Variants in LRRC37A3 observed in about 807,000 individuals in gnomAD.
The protein encoded by LRRC37A3 is leucine-rich repeat-containing protein 37A3.
A neutral mutation model predicts 106.2 loss-of-function variants in LRRC37A3; 25 were observed. The ratio of observed to expected loss-of-function variants is 0.24; its 90% CI spans 0.17 to 0.33. The LOEUF (loss-of-function observed/expected upper bound fraction) is 0.33, where lower values mean the gene tolerates loss of function less well. LRRC37A3 is among the 10% of genes least tolerant of loss of function. LRRC37A3 has a pLI of 1.00. For missense variants in LRRC37A3, 712 were observed against 1,644.9 expected, an observed-to-expected ratio of 0.43 and a Z score of 9.81; for synonymous variants, 305 against 635.8, an observed-to-expected ratio of 0.48 and a Z score of 7.83.
Position 64,893,680 on chromosome 17 carries a change from T to G in LRRC37A3, c.2609+969A>C, listed in dbSNP as rs1277336366. On this transcript the variant is annotated intron_variant, in intron 4 of 14. Transcript: ENST00000584306. ...TTTTTTTTTTTTTGAGATGGAGTCT[T>G]GCTCTGTCGCCCAGGCTGGAGTGCA... Among the ~76,000 whole-genome samples, 8 of 139,938 alleles carry G rather than the reference T, an allele frequency of 5.7e-5. No individual in the cohort carries two copies. The South Asian group carries it at 1.6e-3, about 27-fold the overall frequency. The allele number at this position is 139,938 out of a possible 152,430, so 91.8% of individuals were successfully genotyped here.
At chr17:64,890,917 T>C (rs1275348499) in intron 5 of LRRC37A3, among the ~76,000 whole-genome samples, 4 of 46,862 alleles carry the variant, frequency 8.5e-5, no homozygotes, top group African/African-American at 5.7e-4. Flanking sequence ...GGCTACTTTT[T>C]GTATTTTTAG....
intron 10 of LRRC37A3, among the ~76,000 whole-genome samples, chr17:64,865,606 G>A (rs980697081): frequency 2.6e-5 from 4 of 152,134 alleles, no homozygotes; most frequent in African/African-American, 9.7e-5. Context: ...TTCCGTGTGT[G>A]TATGTCTATA....
chr17:64,896,957 C>G lies in LRRC37A3; in HGVS notation c.301G>C (p.Glu101Gln), dbSNP rs1197992224. Residue 101 changes from glutamate (E) to glutamine (Q), a missense_variant, in exon 4 of 15, where the codon GAA (glutamate) becomes CAA (glutamine). Physicochemically the swap from Glu to Gln is conservative, Grantham distance 29 (BLOSUM62 2). Coordinates refer to ENST00000584306, the MANE Select transcript of LRRC37A3 (RefSeq NM_199340.5). The part of the protein sequence containing the change: ...ASSEMPAPPQ[E>Q]STENLVPFLD... ...AATGGAACCAAATTTTCAGTCGATT[C>G]CTGGGGTGGGGCTGGCATCTCTGAG... is the stretch of plus-strand genomic sequence containing the variant. 6.3e-7 allele frequency: 1 copy of G among 1,595,468 alleles called. No homozygotes were observed. The highest frequency in any genetic ancestry group is 8.5e-7 in the Non-Finnish European group (1 of 1,174,920).
In LRRC37A3 at chr17:64,860,400, T is replaced by C; in HGVS notation, c.3746A>G (p.Lys1249Arg). The change falls in exon 12 of 15, where the codon AAA becomes AGA. Residue 1249 changes from lysine to arginine, a missense_variant. Physicochemically the swap from Lys to Arg is conservative, Grantham distance 26. Transcript: ENST00000584306. ...QEHKAAVSVLKPFSKGAPSTS... is the reference protein window; with the variant it reads ...QEHKAAVSVLRPFSKGAPSTS... ...AGAAGGCGCGCCCTTGGAGAAGGGT[T>C]TCAGCACAGAGACTGCTGCCTTATG... 1 of 1,613,906 alleles carries C rather than the reference T, an allele frequency of 6.2e-7. No homozygotes were observed. The highest frequency in any genetic ancestry group is 1.1e-5 in the South Asian group (1 of 91,070).
chr17:64,855,149 A>G (rs1189665674), intron 14 of LRRC37A3, among the ~76,000 whole-genome samples: 1 of 152,156 alleles, frequency 6.6e-6, no homozygotes. Context: ...TGAGGTTTGC[A>G]TAAAAGGAAT....
chr17:64,904,316 G>GA (rs1417751460), intron 2 of LRRC37A3, among the ~76,000 whole-genome samples: 1 of 152,386 alleles, frequency 6.6e-6, no homozygotes, highest in Non-Finnish European at 1.5e-5. Flanking sequence ...CCCATCTCCA[G>GA]AAAAAATAAT....
At position 64,855,878 on chromosome 17, in the gene LRRC37A3, G is replaced by A. The variant is rs762213702; in HGVS notation, c.4821C>T (p.His1607=). 1 of 1,611,800 alleles carries A rather than the reference G, an allele frequency of 6.2e-7. No individual in the cohort carries two copies. The highest frequency in any genetic ancestry group is 2.2e-5 in the East Asian group (1 of 44,872). ...CTTCATCTTCTTGTAATGACCTTCG[G>A]TGACAACAGATCTGTTTTAGAAGAA... The part of the protein sequence containing the change: ...ILLCLIEICC[H]RRSLQEDEEG... Residue 1607 remains histidine (H), a synonymous_variant, in exon 14 of 15, where the codon CAC becomes CAT. Coordinates refer to ENST00000584306, the MANE Select transcript of LRRC37A3 (RefSeq NM_199340.5).
intron 8 of LRRC37A3, chr17:64,876,918 A>C (rs1221513345): frequency 6.6e-6 from 1 of 152,146 alleles, no homozygotes; most frequent in Non-Finnish European, 1.5e-5. Flanking sequence ...AAGACATCAC[A>C]CACAAAAAAT....
intron 2 of LRRC37A3, among the ~76,000 whole-genome samples, chr17:64,917,465 G>T (rs1243504844): frequency 6.6e-6 from 1 of 151,842 alleles, no homozygotes; most frequent in African/African-American, 2.4e-5. Flanking sequence ...AAAACATTAT[G>T]GAAATGTTTA....
At chr17:64,871,676 A>G (rs2143453483) in intron 8 of LRRC37A3, 1 of 152,140 alleles carries the variant, frequency 6.6e-6, no homozygotes, top group African/African-American at 2.4e-5. Context: ...TGCTGAACTT[A>G]GTGCGGACAC....
intron 11 of LRRC37A3, among the ~76,000 whole-genome samples, chr17:64,862,161 C>T (rs1237287342): frequency 1.3e-5 from 2 of 151,456 alleles, no homozygotes; most frequent in African/African-American, 4.9e-5. Flanking sequence ...TGTAACCAAG[C>T]ATTATTAATT....
At chr17:64,917,928 A>C (rs1394760536) in intron 2 of LRRC37A3, among the ~76,000 whole-genome samples, 31 of 148,996 alleles carry the variant, frequency 2.1e-4, no homozygotes. Context: ...AGATCGCGCC[A>C]CTGCACTCCA....
At chr17:64,865,053 T>A (rs1053817911) in intron 10 of LRRC37A3, among the ~76,000 whole-genome samples, 1 of 152,168 alleles carries the variant, frequency 6.6e-6, no homozygotes, top group African/African-American at 2.4e-5. Flanking sequence ...TTCCTTTGGG[T>A]CCAGTGGAAG....
At chr17:64,867,895 G>A (rs542131446) in intron 10 of LRRC37A3, among the ~76,000 whole-genome samples, 7 of 152,162 alleles carry the variant, frequency 4.6e-5, no homozygotes, top group South Asian at 4.1e-4. Context: ...CCAACATGGC[G>A]AAACCTTGTC....
intron 8 of LRRC37A3, among the ~76,000 whole-genome samples, chr17:64,870,823 T>C (rs1973288761): frequency 6.6e-6 from 1 of 151,414 alleles, no homozygotes; most frequent in Non-Finnish European, 1.5e-5. Context: ...CCCCCTTCCT[T>C]CTATTTTCTT....
intron 5 of LRRC37A3, among the ~76,000 whole-genome samples, chr17:64,890,063 C>T (rs1352545122): frequency 1.2e-4 from 4 of 34,098 alleles, no homozygotes; most frequent in Non-Finnish European, 1.7e-4. Context: ...CTGGGTGGCA[C>T]CAAGATCAGC....
intron 6 of LRRC37A3, among the ~76,000 whole-genome samples, chr17:64,888,680 CAA>C (rs1165033246): frequency 2.1e-5 from 1 of 48,642 alleles, no homozygotes; most frequent in African/African-American, 1.1e-4. Flanking sequence ...AATCTGTTTG[CAA>C]AAGAGCATCA....
At chr17:64,877,359 G>A (rs561823052) in intron 8 of LRRC37A3, among the ~76,000 whole-genome samples, 21 of 152,090 alleles carry the variant, frequency 1.4e-4, no homozygotes, top group Admixed American at 1.0e-3. Flanking sequence ...CTGCCACCAC[G>A]CCCTGCTAAT....
At chr17:64,882,521 C>G (rs1239463675) in intron 8 of LRRC37A3, among the ~76,000 whole-genome samples, 1 of 152,176 alleles carries the variant, frequency 6.6e-6, no homozygotes, top group African/African-American at 2.4e-5. Flanking sequence ...TTCTTTTTGT[C>G]TTTAATGTTT....
Sources: gnomAD v4.1 joint callset for allele counts (sites outside exome capture counted in the v4.1 genomes callset) on GRCh38, gnomAD v4.1.1 for gene constraint, MANE v1.5 for transcripts, NCBI Gene and HGNC (gene_info 2026-07-23, HGNC 2026-07-21) for gene names.